DENND4C: variants seen among roughly 807,000 people sequenced by gnomAD.
DENND4C encodes the protein DENN domain containing 4C.
In DENND4C, 108 loss-of-function variants were observed where a neutral mutation model predicts 203.0. The observed-to-expected ratio is 0.53, with a 90% CI of 0.46 to 0.62. DENND4C has a LOEUF of 0.62. Ranked by LOEUF, DENND4C falls within the 20% of genes least tolerant of loss-of-function variation. The pLI is 0.00. For synonymous variants in DENND4C, 871 were observed against 792.4 expected (o/e 1.10, Z -1.67); for missense variants, 2,481 against 2,301.2 (o/e 1.08, Z -1.60).
intron 1 of DENND4C, among the ~76,000 whole-genome samples, chr9:19,264,823 C>T (rs1477116824): frequency 1.3e-5 from 2 of 151,440 alleles, no homozygotes; most frequent in Non-Finnish European, 2.9e-5. Flanking sequence ...TTTTCTTCTA[C>T]TAATTTTGGG....
chr9:19,291,897 G>T (rs996038717), intron 5 of DENND4C, among the ~76,000 whole-genome samples: 1 of 152,096 alleles, frequency 6.6e-6, no homozygotes, highest in Non-Finnish European at 1.5e-5. Flanking sequence ...AAAGGACAAG[G>T]CTACATCCTA....
chr9:19,280,200 A>C (rs1187141445), intron 2 of DENND4C, among the ~76,000 whole-genome samples: 1 of 150,790 alleles, frequency 6.6e-6, no homozygotes, highest in Non-Finnish European at 1.5e-5. Flanking sequence ...TCCAGGCTGG[A>C]GTGCAGTGGT....
chr9:19,332,253 G>C, intron 17 of DENND4C, 69 bp downstream of exon 17: 2 of 1,426,390 alleles, frequency 1.4e-6, no homozygotes, highest in Non-Finnish European at 2.0e-6. Context: ...AAATTTGGGT[G>C]TAAGTTGCTT....
chr9:19,231,617 A>G (rs1820585975), intron 1 of DENND4C, among the ~76,000 whole-genome samples: 1 of 151,256 alleles, frequency 6.6e-6, no homozygotes, highest in Admixed American at 6.6e-5. Flanking sequence ...CTGCACTAAT[A>G]AGGAATTACC....
chr9:19,368,930 C>T (rs1040179769), intron 30 of DENND4C, among the ~76,000 whole-genome samples: 5 of 152,062 alleles, frequency 3.3e-5, no homozygotes, highest in Non-Finnish European at 7.4e-5. Flanking sequence ...GGCAGGAGGA[C>T]TGCTTGAGGC....
chr9:19,251,325 C>T (rs1389979077), intron 1 of DENND4C, among the ~76,000 whole-genome samples: 2 of 152,214 alleles, frequency 1.3e-5, no homozygotes, highest in Non-Finnish European at 2.9e-5. Flanking sequence ...GGATGCAGAG[C>T]ACCAAGTCCC....
intron 22 of DENND4C, 142 bp from the exon 23 acceptor site, chr9:19,345,779 A>G (rs944733680): frequency 1.5e-5 from 12 of 778,320 alleles, no homozygotes; most frequent in African/African-American, 5.3e-5. Flanking sequence ...ACTTTTTTTT[A>G]TACTTTCTTT....
rs748369856 is a variant in DENND4C, at chr9:19,352,146, CA to C, written c.4570del (p.Ser1524AlafsTer14). 4.3e-6 allele frequency: 7 copies of C among 1,613,718 alleles called. No homozygotes were observed. The highest frequency in any genetic ancestry group is 5.9e-6 in the Non-Finnish European group (7 of 1,179,900). Reference protein sequence around the residue: ...KSDHGSSQNTSMSSIYQNCAM... With the variant: ...KSDHGSSQNTXMSSIYQNCAM... The stretch of plus-strand genomic sequence containing the variant: ...CAGATCATGGTTCTTCTCAAAATAC[CA>C]GCATGTCTAGCATCTATCAGAATTG... On this transcript the variant is annotated frameshift_variant, in exon 25 of 33. Transcript: ENST00000434457. LOFTEE classifies it high-confidence loss of function.
At chr9:19,238,412 C>T (rs1219250969) in intron 1 of DENND4C, among the ~76,000 whole-genome samples, 2 of 150,436 alleles carry the variant, frequency 1.3e-5, no homozygotes, top group Non-Finnish European at 3.0e-5. Context: ...GCTAGCAGTC[C>T]TTAGAGATAT....
intron 16 of DENND4C, among the ~76,000 whole-genome samples, chr9:19,329,177 A>T (rs1446194556): frequency 6.6e-6 from 1 of 152,194 alleles, no homozygotes; most frequent in Non-Finnish European, 1.5e-5. Context: ...GAATATTTTC[A>T]TCAACCCCAA....
intron 1 of DENND4C, among the ~76,000 whole-genome samples, chr9:19,244,768 G>T (rs1824724399): frequency 1.3e-5 from 2 of 151,566 alleles, no homozygotes; most frequent in Non-Finnish European, 2.9e-5. Flanking sequence ...AGTTGCCTTA[G>T]GGTTTATAAT....
intron 1 of DENND4C, among the ~76,000 whole-genome samples, chr9:19,245,085 G>C (rs993715428): frequency 1.3e-5 from 2 of 152,140 alleles, no homozygotes; most frequent in African/African-American, 4.8e-5. Context: ...CTCAATTCTG[G>C]CTGTATATTC....
At chr9:19,319,566 A>G (rs551756970) in intron 12 of DENND4C, among the ~76,000 whole-genome samples, 1 of 151,318 alleles carries the variant, frequency 6.6e-6, no homozygotes, top group Non-Finnish European at 1.5e-5. Flanking sequence ...GCTGTGGAAG[A>G]TAAGGCTGAA....
At chr9:19,317,423 C>G (rs1027554336) in intron 12 of DENND4C, among the ~76,000 whole-genome samples, 2 of 151,878 alleles carry the variant, frequency 1.3e-5, no homozygotes, top group African/African-American at 2.4e-5. Context: ...AACGTATACT[C>G]GTTATTTTTA....
rs945372417 is a variant in DENND4C, at chr9:19,273,406, C to T, written c.-17-2752C>T. Among the ~76,000 whole-genome samples, 22 of 151,992 alleles carry T rather than the reference C, an allele frequency of 1.4e-4. 2 individuals are homozygous for T. Among genetic ancestry groups the T allele is most frequent in the Admixed American group, 4.6e-4 (7 of 15,254 alleles). ...TGGCTGACATGATTTCTTACGACAT[C>T]GCAAGCATGATCTGTAAGAGAATAG... On this transcript the variant is annotated intron_variant, in intron 1 of 32. Transcript: ENST00000434457.
chr9:19,344,521 C>T (rs1822367847), intron 22 of DENND4C, among the ~76,000 whole-genome samples: 1 of 152,124 alleles, frequency 6.6e-6, no homozygotes, highest in African/African-American at 2.4e-5. Context: ...TTGAGACAGA[C>T]TCTCACTCTG....
intron 2 of DENND4C, among the ~76,000 whole-genome samples, chr9:19,283,221 T>G (rs1445622120): frequency 6.6e-6 from 1 of 151,996 alleles, no homozygotes; most frequent in Admixed American, 6.6e-5. Flanking sequence ...AAGACACATG[T>G]TAGCCTAGCC....
At chr9:19,243,476 C>A (rs1283981628) in intron 1 of DENND4C, among the ~76,000 whole-genome samples, 3 of 152,142 alleles carry the variant, frequency 2.0e-5, no homozygotes, top group Non-Finnish European at 2.9e-5. Flanking sequence ...ACGTTTTCAT[C>A]ATCCTAAAAG....
rs1829301691 is a variant in DENND4C, at chr9:19,374,216, C to T, written c.*2043C>T. Among the ~76,000 whole-genome samples, 1 of 152,090 alleles carries T rather than the reference C, an allele frequency of 6.6e-6. No homozygotes were observed. Among genetic ancestry groups the T allele is most frequent in the Non-Finnish European group, 1.5e-5 (1 of 68,014 alleles). On this transcript the variant is annotated 3_prime_UTR_variant, in exon 33 of 33. Coordinates refer to ENST00000434457, the MANE Select transcript of DENND4C (RefSeq NM_001330640.2). ...TCCATTCCTTCACTCGTAACTTGAA[C>T]TCAAGTTTTCACTTACTGACGCGCT...
Sources: gnomAD v4.1 joint callset for allele counts (sites outside exome capture counted in the v4.1 genomes callset) on GRCh38, gnomAD v4.1.1 for gene constraint, MANE v1.5 for transcripts, NCBI Gene and HGNC (gene_info 2026-07-23, HGNC 2026-07-21) for gene names.